Variants in RASA3 observed in about 807,000 individuals in gnomAD.
RASA3 encodes the protein RAS p21 protein activator 3, also known as ras GTPase-activating protein 3.
A neutral mutation model predicts 110.0 loss-of-function variants in RASA3; 73 were observed. The observed-to-expected ratio is 0.66, with a 90% CI of 0.55 to 0.81. RASA3 has a LOEUF of 0.81. RASA3 is among the 30% of genes least tolerant of loss of function. The pLI, the probability that RASA3 is intolerant of heterozygous loss-of-function variation, is 0.00. For missense variants in RASA3, 976 were observed against 1,113.2 expected (o/e 0.88, Z 1.75); for synonymous variants, 500 against 451.4 (o/e 1.11, Z -1.37).
At position 114,029,804 on chromosome 13, in the gene RASA3, G is replaced by T; in HGVS notation, c.449+7C>A. The T allele has an allele frequency of 6.3e-7, 1 of 1,590,164 alleles. No individual in the cohort carries two copies. ...TGCGCTCGGTCTCTAGTGAGGACGT[G>T]TCTTACCGTGTGGCGAGCTTGTGGC... On this transcript the variant is annotated splice_region_variant and intron_variant, in intron 5 of 23. Transcript: ENST00000334062.
intron 1 of RASA3, among the ~76,000 whole-genome samples, chr13:114,097,205 C>T (rs1012283149): frequency 6.6e-5 from 10 of 152,196 alleles, no homozygotes; most frequent in Admixed American, 1.3e-4. Context: ...TGTCCAGGGG[C>T]GAGAGGCCTG....
chr13:114,030,853 C>T (rs977252493), intron 4 of RASA3, among the ~76,000 whole-genome samples: 1 of 151,736 alleles, frequency 6.6e-6, no homozygotes, highest in Non-Finnish European at 1.5e-5. Flanking sequence ...GTGTGTCCTC[C>T]TGTGTGTGCG....
intron 1 of RASA3, among the ~76,000 whole-genome samples, chr13:114,097,318 C>T (rs1319322179): frequency 1.3e-5 from 2 of 152,176 alleles, no homozygotes; most frequent in Admixed American, 6.5e-5. Context: ...CCTGAAAAGC[C>T]GCAAGTCTAC....
intron 17 of RASA3, among the ~76,000 whole-genome samples, chr13:114,007,942 G>C (rs1455683695): frequency 1.6e-5 from 2 of 121,788 alleles, no homozygotes; most frequent in Non-Finnish European, 3.6e-5. Flanking sequence ...CTGTGGGGAG[G>C]AGCAGAGCCC....
intron 1 of RASA3, among the ~76,000 whole-genome samples, chr13:114,075,904 TGC>T (rs2079669750): frequency 9.6e-6 from 1 of 103,896 alleles, no homozygotes; most frequent in East Asian, 3.2e-4. Context: ...CGCGTATCTC[TGC>T]GTGTGGAGGC....
chr13:114,016,330 G>T, intron 12 of RASA3, 59 bp from the exon 13 acceptor site: 1 of 1,275,800 alleles, frequency 7.8e-7, no homozygotes, highest in Non-Finnish European at 1.1e-6. Context: ...AGGCAGGGAG[G>T]GTGGAAGGGG....
intron 1 of RASA3, among the ~76,000 whole-genome samples, chr13:114,123,739 G>A (rs1444748199): frequency 1.3e-5 from 2 of 152,226 alleles, no homozygotes; most frequent in East Asian, 1.9e-4. Flanking sequence ...AGGCACCCAC[G>A]GGGTGGGCCA....
Position 114,015,351 on chromosome 13 carries a change from C to A in RASA3, c.1282-19G>T. 1.9e-6 allele frequency: 3 copies of A among 1,611,616 alleles called. No homozygotes were observed. Among genetic ancestry groups the A allele is most frequent in the Non-Finnish European group, 2.5e-6 (3 of 1,179,462 alleles). On this transcript the variant is annotated intron_variant, in intron 13 of 23. Coordinates refer to ENST00000334062, the MANE Select transcript of RASA3 (RefSeq NM_007368.4). ...GGTTCTCCTGCAACGGGACACGGCA[C>A]TGGGACCCACTCCCGAGGCTGCCCA... is the stretch of plus-strand genomic sequence containing the variant.
chr13:114,089,744 A>C (rs1172912816), intron 1 of RASA3, among the ~76,000 whole-genome samples: 2 of 152,140 alleles, frequency 1.3e-5, no homozygotes, highest in African/African-American at 4.8e-5. Flanking sequence ...TTTTTAGTGT[A>C]TTCCGAGTTG....
intron 22 of RASA3, among the ~76,000 whole-genome samples, chr13:113,982,904 C>T (rs766557673): frequency 2.0e-5 from 3 of 152,216 alleles, no homozygotes; most frequent in Non-Finnish European, 4.4e-5. Flanking sequence ...AGCACTGCTA[C>T]GCCCGGATCT....
Position 114,034,987 on chromosome 13 carries a change from A to G in RASA3, c.373-5100T>C, listed in dbSNP as rs566680705. Among the ~76,000 whole-genome samples, 32 of 148,682 alleles carry G rather than the reference A, an allele frequency of 2.2e-4. No individual in the cohort carries two copies. The East Asian group carries it at 6.4e-3, about 30-fold the overall frequency. ...GAACGCTGACCTGAGCTTAGAGCAG[A>G]AGGGAGAGCTGAACGCTGACCTGAG... On this transcript the variant is annotated intron_variant, in intron 4 of 23. Transcript: ENST00000334062.
chr13:114,034,683 T>C (rs1443448202), intron 4 of RASA3, among the ~76,000 whole-genome samples: 1 of 152,268 alleles, frequency 6.6e-6, no homozygotes, highest in Non-Finnish European at 1.5e-5. Context: ...TGGCGCAGGC[T>C]GGAGAATCCC....
Position 114,112,550 on chromosome 13 carries a change from C to T in RASA3, c.55+19885G>A, listed in dbSNP as rs1021771216. Among the ~76,000 whole-genome samples, 8 of 152,144 alleles carry T rather than the reference C, an allele frequency of 5.3e-5. No individual in the cohort carries two copies. Among genetic ancestry groups the T allele is most frequent in the African/African-American group, 9.7e-5 (4 of 41,428 alleles). On this transcript the variant is annotated intron_variant, in intron 1 of 23. Transcript: ENST00000334062. This position sits in a 1 kb window ranked among gnomAD's most constrained non-coding sequence, Gnocchi z 4.8. ...AGCTCTGTAGGGGTGCGGCCTGCCTCGAGCACTTCACACGCGTGCCCGGGG... is the reference window on the plus strand; with the variant it reads ...AGCTCTGTAGGGGTGCGGCCTGCCTTGAGCACTTCACACGCGTGCCCGGGG...
intron 1 of RASA3, among the ~76,000 whole-genome samples, chr13:114,091,449 T>C (rs1389536932): frequency 2.0e-5 from 3 of 151,708 alleles, no homozygotes; most frequent in Non-Finnish European, 4.4e-5. Flanking sequence ...ATCAAATGCT[T>C]TTCCAGCACT....
chr13:114,045,677 A>C (rs192022022), intron 3 of RASA3, among the ~76,000 whole-genome samples: 42 of 152,394 alleles, frequency 2.8e-4, no homozygotes, highest in Admixed American at 5.9e-4. Context: ...TGGTGTGTTC[A>C]GCAAGAACAG....
chr13:114,098,947 C>T lies in RASA3; in HGVS notation c.56-25110G>A, dbSNP rs533471966. 3.9e-3 allele frequency among the ~76,000 whole-genome samples: 599 copies of T among 151,724 alleles called. 2 individuals are homozygous for T. The highest frequency in any genetic ancestry group is 0.014 in the Middle Eastern group (4 of 294). On this transcript the variant is annotated intron_variant, in intron 1 of 23. Coordinates refer to ENST00000334062, the MANE Select transcript of RASA3 (RefSeq NM_007368.4). The stretch of plus-strand genomic sequence containing the variant: ...CCCACTGATGCCGGACCACAGCAGT[C>T]GGGGCCCGGCCACCCGAGCCCCCCA...
rs1238675511 is a variant in RASA3 at position 114,027,982 on chromosome 13, G to A, written c.450-55C>T. On this transcript the variant is annotated intron_variant, in intron 5 of 23. Transcript: ENST00000334062. ...AGGGAGCGCAGACACCTGGGCGAATGGCGAGACAGCTCTGGGTCAGGCAGG... is the reference window on the plus strand; with the variant it reads ...AGGGAGCGCAGACACCTGGGCGAATAGCGAGACAGCTCTGGGTCAGGCAGG... 3.4e-6 allele frequency: 5 copies of A among 1,459,238 alleles called. No homozygotes were observed. The East Asian group carries it at 9.2e-5, about 27-fold the overall frequency. The allele number at this position is 1,459,238 out of a possible 1,614,324, so 90.4% of individuals were successfully genotyped here.
intron 9 of RASA3, among the ~76,000 whole-genome samples, chr13:114,020,904 C>A (rs967506267): frequency 5.9e-5 from 9 of 152,230 alleles, no homozygotes; most frequent in Non-Finnish European, 1.0e-4. Context: ...GCATTCTGGG[C>A]TCCTGCACCG....
chr13:114,100,563 A>T (rs367656860), intron 1 of RASA3, among the ~76,000 whole-genome samples: 1 of 152,186 alleles, frequency 6.6e-6, no homozygotes, highest in African/African-American at 2.4e-5. Context: ...TGTTCTGGAA[A>T]CCACCTCCAA....
Sources: allele counts gnomAD v4.1 joint callset (sites outside exome capture counted in the v4.1 genomes callset), GRCh38; gene constraint gnomAD v4.1.1; non-coding constraint Gnocchi (gnomAD v3.1); transcripts MANE v1.5; gene names NCBI Gene and HGNC (gene_info 2026-07-23, HGNC 2026-07-21).